The following LEMD3 variants were observed in gnomAD, a reference collection of about 807,000 sequenced individuals.
LEMD3 encodes LEM domain containing 3.
In LEMD3, 33 loss-of-function variants were observed where a neutral mutation model predicts 95.2. That is an observed-to-expected ratio of 0.35 (90% CI 0.26 to 0.46). The LOEUF (loss-of-function observed/expected upper bound fraction) is 0.46. Among genes scored for constraint, LEMD3 ranks in the 20% least tolerant of loss-of-function variants. The pLI is 1.00. For synonymous variants in LEMD3, 525 were observed against 474.6 expected, an observed-to-expected ratio of 1.11 and a Z score of -1.38; for missense variants, 1,210 against 1,192.8, an observed-to-expected ratio of 1.01 and a Z score of -0.21.
chr12:65,197,577 C>T (rs916186245), intron 1 of LEMD3, among the ~76,000 whole-genome samples: 2 of 152,078 alleles, frequency 1.3e-5, no homozygotes, highest in South Asian at 4.1e-4. Context: ...TTGTTTTTGA[C>T]TTGATGACAT....
chr12:65,241,676 C>T (rs939212162), intron 9 of LEMD3, among the ~76,000 whole-genome samples: 4 of 152,090 alleles, frequency 2.6e-5, no homozygotes, highest in Non-Finnish European at 4.4e-5. Context: ...CAAACCTTTA[C>T]TACACAGAAA....
At chr12:65,208,035 T>A (rs1869817570) in intron 1 of LEMD3, among the ~76,000 whole-genome samples, 1 of 152,048 alleles carries the variant, frequency 6.6e-6, no homozygotes, top group South Asian at 2.1e-4. Context: ...TGCAACAAGG[T>A]GTGATTAGGA....
chr12:65,226,515 TGTA>T (rs1191269470), intron 4 of LEMD3, among the ~76,000 whole-genome samples: 7 of 152,196 alleles, frequency 4.6e-5, no homozygotes, highest in African/African-American at 1.7e-4. Context: ...AAATTAAGAA[TGTA>T]GTATATGTTT....
intron 1 of LEMD3, among the ~76,000 whole-genome samples, chr12:65,204,111 G>A (rs11175673): frequency 0.039 from 5,705 of 147,126 alleles, 351 homozygotes; most frequent in African/African-American, 0.14. Context: ...CATTTAAACT[G>A]TTGATGTTCA....
intron 1 of LEMD3, among the ~76,000 whole-genome samples, chr12:65,189,101 C>T (rs1374183887): frequency 6.6e-6 from 1 of 152,120 alleles, no homozygotes; most frequent in African/African-American, 2.4e-5. Flanking sequence ...GAGATTAAAA[C>T]AATAACCCAA....
At chr12:65,195,751 G>A (rs1263405277) in intron 1 of LEMD3, among the ~76,000 whole-genome samples, 1 of 152,178 alleles carries the variant, frequency 6.6e-6, no homozygotes, top group Non-Finnish European at 1.5e-5. Flanking sequence ...ATAGGTTTAA[G>A]TCATTGCCTT....
Position 65,172,730 on chromosome 12 carries a change from CT to C in LEMD3, c.1522+1627del, listed in dbSNP as rs201891713. 3.3e-3 allele frequency among the ~76,000 whole-genome samples: 461 copies of C among 139,230 alleles called. 2 individuals carry two copies. The highest frequency in any genetic ancestry group is 3.4e-3 in the Admixed American group (47 of 13,978). 91.3% of individuals were successfully genotyped at this position (139,230 alleles called of 152,430 possible). A position where few individuals can be genotyped will look rare whatever the true frequency, so the allele number is the denominator to read the frequency against. Reference sequence around the variant, plus strand: ...CTATAAGATCTGGCCTTTTTCTTTTCTTTTTTTTTTTTTTTAGACAGAGTCT... The same window carrying C: ...CTATAAGATCTGGCCTTTTTCTTTTCTTTTTTTTTTTTTTAGACAGAGTCT... On this transcript the variant is annotated intron_variant, in intron 1 of 12. Transcript: ENST00000308330.
At chr12:65,199,204 C>G (rs188653981) in intron 1 of LEMD3, among the ~76,000 whole-genome samples, 1 of 152,196 alleles carries the variant, frequency 6.6e-6, no homozygotes, top group East Asian at 1.9e-4. Context: ...ATAATTCTAT[C>G]AAACATTCTT....
At position 65,175,037 on chromosome 12, in the gene LEMD3, A is replaced by G. The variant is rs1441990013; in HGVS notation, c.1522+3919A>G. On this transcript the variant is annotated intron_variant, in intron 1 of 12. Coordinates refer to ENST00000308330, the MANE Select transcript of LEMD3 (RefSeq NM_014319.5). Reference sequence around the variant, plus strand: ...GCAAGTGCAGAATTCCTGAGGCAAAAACAGGCTTGTGTGTTGAAGGACCAA... The same window carrying G: ...GCAAGTGCAGAATTCCTGAGGCAAAGACAGGCTTGTGTGTTGAAGGACCAA... 2.0e-5 allele frequency among the ~76,000 whole-genome samples: 3 copies of G among 152,130 alleles called. No individual in the cohort carries two copies. The South Asian group carries it at 6.2e-4, about 31-fold the overall frequency.
At chr12:65,188,304 C>T (rs191974762) in intron 1 of LEMD3, among the ~76,000 whole-genome samples, 21 of 152,068 alleles carry the variant, frequency 1.4e-4, no homozygotes, top group Middle Eastern at 3.4e-3. Context: ...CAGCTGAAGG[C>T]GGGGAGAGAT....
At chr12:65,217,898 G>A (rs1230281874) in intron 3 of LEMD3, among the ~76,000 whole-genome samples, 1 of 152,074 alleles carries the variant, frequency 6.6e-6, no homozygotes, top group Non-Finnish European at 1.5e-5. Flanking sequence ...GCTCACTGCA[G>A]CTTCAAATTT....
At chr12:65,236,418 C>T (rs186065009) in intron 4 of LEMD3, among the ~76,000 whole-genome samples, 105 of 152,202 alleles carry the variant, frequency 6.9e-4, no homozygotes, top group African/African-American at 2.4e-3. Flanking sequence ...TGTGGTGGCA[C>T]ACGCCTGTAG....
chr12:65,229,009 T>G (rs1299317676), intron 4 of LEMD3, among the ~76,000 whole-genome samples: 3 of 152,184 alleles, frequency 2.0e-5, no homozygotes, highest in Admixed American at 6.5e-5. Context: ...CTTTCTAGCC[T>G]CTAGTAACCA....
Position 65,236,550 on chromosome 12 carries a change from C to CA in LEMD3, c.1696-1938dup, listed in dbSNP as rs35191700. Among the ~76,000 whole-genome samples, 66 of 143,578 alleles carry CA rather than the reference C, an allele frequency of 4.6e-4. 1 individual carries two copies. The highest frequency in any genetic ancestry group is 7.6e-4 in the African/African-American group (30 of 39,294). The allele number at this position is 143,578 out of a possible 152,430, so 94.2% of individuals were successfully genotyped here. A position where few individuals can be genotyped will look rare whatever the true frequency, so the allele number is the denominator to read the frequency against. ...TGGGTGACAGAGCAAGACTCTGTCT[C>CA]AAAAAAAAAAAAAATTCATTTTTTG... On this transcript the variant is annotated intron_variant, in intron 4 of 12. Coordinates refer to ENST00000308330, the MANE Select transcript of LEMD3 (RefSeq NM_014319.5).
intron 1 of LEMD3, among the ~76,000 whole-genome samples, chr12:65,180,036 C>T (rs1868853016): frequency 6.6e-6 from 1 of 152,040 alleles, no homozygotes; most frequent in African/African-American, 2.4e-5. Flanking sequence ...CCTCCATCTC[C>T]TAGGTTCAAG....
rs372588607 is a variant in LEMD3, at chr12:65,170,750, C to G, written c.1154C>G (p.Ser385Cys). 6.2e-7 allele frequency: 1 copy of G among 1,614,202 alleles called. No homozygotes were observed. Among genetic ancestry groups the G allele is most frequent in the Non-Finnish European group, 8.5e-7 (1 of 1,180,026 alleles). ...TCAACCTTGGATTCGTCAACAGGCT[C>G]CCTTCTGAAAACCAATAATCATATT... is the stretch of plus-strand genomic sequence containing the variant. ...MDSTLDSSTGSLLKTNNHIGG... is the reference protein window; with the variant it reads ...MDSTLDSSTGCLLKTNNHIGG... Residue 385 changes from serine to cysteine, a missense_variant, in exon 1 of 13, where the codon TCC becomes TGC. This residue lies in a region of LEMD3 where 749 missense variants were observed against 622.9 expected (regional missense o/e 1.20). Transcript: ENST00000308330.
intron 3 of LEMD3, among the ~76,000 whole-genome samples, chr12:65,216,905 C>T (rs909182675): frequency 5.3e-5 from 8 of 152,100 alleles, no homozygotes; most frequent in Non-Finnish European, 1.2e-4. Flanking sequence ...TGTATTATAT[C>T]GCTAAAAGCC....
At chr12:65,229,037 C>T (rs1017158599) in intron 4 of LEMD3, among the ~76,000 whole-genome samples, 15 of 152,174 alleles carry the variant, frequency 9.9e-5, no homozygotes, top group African/African-American at 3.6e-4. Flanking sequence ...CTTCTACCTC[C>T]ATGAGATCAA....
At chr12:65,240,887 T>A in intron 8 of LEMD3, 22 bp from the exon 9 acceptor site, 1 of 1,609,610 alleles carries the variant, frequency 6.2e-7, no homozygotes, top group Non-Finnish European at 8.5e-7. Flanking sequence ...ATAGTAAATT[T>A]GCCATTTTGT....
Sources: allele counts gnomAD v4.1 joint callset (sites outside exome capture counted in the v4.1 genomes callset), GRCh38; gene constraint gnomAD v4.1.1; regional missense constraint gnomAD v4.1.1; transcripts MANE v1.5; gene names NCBI Gene and HGNC (gene_info 2026-07-23, HGNC 2026-07-21).